SHD: variants seen among roughly 807,000 people sequenced by gnomAD.
SHD encodes the protein Src homology 2 domain containing transforming protein D.
In SHD, 29 loss-of-function variants were observed where a neutral mutation model predicts 31.2. The observed-to-expected ratio is 0.93, with a 90% CI of 0.69 to 1.27. SHD has a LOEUF of 1.27. Among genes scored for constraint, SHD ranks in the 50% most tolerant of loss-of-function variants. The pLI is 0.00. For missense variants in SHD, 520 were observed against 453.8 expected (o/e 1.15, Z -1.33); for synonymous variants, 208 against 187.8 (o/e 1.11, Z -0.88).
chr19:4,280,987 C>A (rs1336202836), intron 1 of SHD, among the ~76,000 whole-genome samples: 1 of 151,826 alleles, frequency 6.6e-6, no homozygotes, highest in Non-Finnish European at 1.5e-5. Context: ...TGGGATCTTC[C>A]TAAAATAGAT....
Position 4,279,938 on chromosome 19 carries a change from T to C in SHD, c.-126T>C. 1 of 1,196,184 alleles carries C rather than the reference T, an allele frequency of 8.4e-7. No homozygotes were observed. The highest frequency in any genetic ancestry group is 1.5e-5 in the African/African-American group (1 of 64,742). 74.1% of individuals were successfully genotyped at this position (1,196,184 alleles called of 1,614,324 possible). A position where few individuals can be genotyped will look rare whatever the true frequency, so the allele number is the denominator to read the frequency against. ...GAGCCCCGCCAAAGGGCGCACCTGATCTTTCTCATCCTTCCCTGCTCTTCC... is the reference window on the plus strand; with the variant it reads ...GAGCCCCGCCAAAGGGCGCACCTGACCTTTCTCATCCTTCCCTGCTCTTCC... On this transcript the variant is annotated 5_prime_UTR_variant, in exon 1 of 6. Transcript: ENST00000543264. This position sits in a 1 kb window ranked among gnomAD's most constrained non-coding sequence, Gnocchi z 7.5.
rs1348925999 is a variant in SHD at position 4,290,546 on chromosome 19, C to T, written c.936C>T (p.Leu312=). ...HSGPFPSVPE[L]VLHYSSRPLP... is the part of the protein sequence containing the mutation. ...GGCCCTTCCCCAGCGTGCCCGAGCT[C>T]GTCCTCCACTACAGTTCACGCCCAC... The change falls in exon 6 of 6, where the codon CTC becomes CTT. Residue 312 remains leucine, a synonymous_variant. Transcript: ENST00000543264. The T allele has an allele frequency of 8.7e-6, 14 of 1,613,690 alleles. No homozygotes were observed. The highest frequency in any genetic ancestry group is 2.2e-5 in the East Asian group (1 of 44,868).
chr19:4,285,271 A>T (rs910786597), intron 4 of SHD, among the ~76,000 whole-genome samples: 29 of 152,314 alleles, frequency 1.9e-4, no homozygotes, highest in African/African-American at 7.0e-4. Flanking sequence ...CTCAGAGCCA[A>T]GAGACAGAAA....
chr19:4,285,299 T>C (rs148940267), intron 4 of SHD, among the ~76,000 whole-genome samples: 34 of 152,320 alleles, frequency 2.2e-4, no homozygotes, highest in African/African-American at 8.2e-4. Flanking sequence ...CAGCCAGTTC[T>C]TGGTTCTTGG....
At position 4,284,915 on chromosome 19, in the gene SHD, A is replaced by G. The variant is rs774818206; in HGVS notation, c.716+11A>G. 1.9e-6 allele frequency: 3 copies of G among 1,582,062 alleles called. No individual in the cohort carries two copies. Among genetic ancestry groups the G allele is most frequent in the Non-Finnish European group, 2.6e-6 (3 of 1,161,572 alleles). ...CCTGGAGAAACAGCCGTGAGTGGGG[A>G]AGCTGAAGGTGGAAGAGCCCCGTTG... On this transcript the variant is annotated intron_variant, in intron 4 of 5. Transcript: ENST00000543264.
Position 4,288,276 on chromosome 19 carries a change from A to G in SHD, c.750A>G (p.Ala250=). 1 of 1,613,924 alleles carries G rather than the reference A, an allele frequency of 6.2e-7. No individual in the cohort carries two copies. Among genetic ancestry groups the G allele is most frequent in the Non-Finnish European group, 8.5e-7 (1 of 1,179,900 alleles). ...ATGGCCCCCTGAACAGGGCGGATGC[A>G]GAGAGCCTCCTGTCCCTCTGCAAGG... ...WFHGPLNRAD[A]ESLLSLCKEG... The change falls in exon 5 of 6, where the codon GCA becomes GCG. Residue 250 remains alanine (A), a synonymous_variant. Transcript: ENST00000543264.
In SHD at chr19:4,283,754, ATT is replaced by A. The variant is rs60710935; in HGVS notation, c.592+516_592+517del. Among the ~76,000 whole-genome samples, 761 of 151,104 alleles carry A rather than the reference ATT, an allele frequency of 5.0e-3. 7 individuals carry two copies. The highest frequency in any genetic ancestry group is 0.017 in the African/African-American group (720 of 41,212). On this transcript the variant is annotated intron_variant, in intron 3 of 5. Transcript: ENST00000543264. ...CCACCACGCCCGGCTAATTTTTTGT[ATT>A]TTTAGTAGAGACGGGGTTTCACCAT...
chr19:4,290,570 A>G lies in SHD; in HGVS notation c.960A>G (p.Pro320=), dbSNP rs534824696. ...PELVLHYSSR[P]LPVQGAEHLA... is the part of the protein sequence containing the mutation. ...TCGTCCTCCACTACAGTTCACGCCC[A>G]CTGCCGGTGCAGGGTGCCGAGCATC... Residue 320 remains proline, a synonymous_variant, in exon 6 of 6, where the codon CCA becomes CCG. Coordinates refer to ENST00000543264, the MANE Select transcript of SHD (RefSeq NM_020209.4). The G allele has an allele frequency of 9.4e-5, 151 of 1,613,540 alleles. 1 individual carries two copies. The South Asian group carries it at 1.6e-3, about 17-fold the overall frequency.
chr19:4,286,260 TC>T (rs1568369412), intron 4 of SHD, among the ~76,000 whole-genome samples: 2 of 103,136 alleles, frequency 1.9e-5, no homozygotes, highest in African/African-American at 3.6e-5. Flanking sequence ...TCTTTCTTTC[TC>T]TCTTTCTTTC....
At chr19:4,286,581 G>A (rs952652402) in intron 4 of SHD, among the ~76,000 whole-genome samples, 1 of 152,062 alleles carries the variant, frequency 6.6e-6, no homozygotes, top group Admixed American at 6.6e-5. Flanking sequence ...GCTTGCTACT[G>A]CAAACCCCTT....
rs1198443793 is a variant in SHD, at chr19:4,286,318, ACCTT to A, written c.716+1431_716+1434del. ...TTCCTTCCTTCCTTCCTTCCTTCCT[ACCTT>A]CCTTCCTTCCTTCCTTTCTTTCTCT... On this transcript the variant is annotated intron_variant, in intron 4 of 5. Transcript: ENST00000543264. Among the ~76,000 whole-genome samples the A allele has an allele frequency of 1.9e-3, 150 of 80,650 alleles. 3 individuals are homozygous for A. The highest frequency in any genetic ancestry group is 0.018 in the Middle Eastern group (2 of 114). 52.9% of individuals were successfully genotyped at this position (80,650 alleles called of 152,430 possible).
chr19:4,286,275 CTTT>C (rs1568369444), intron 4 of SHD, among the ~76,000 whole-genome samples: 2,708 of 120,856 alleles, frequency 0.022, 73 homozygotes, highest in Non-Finnish European at 0.032. Context: ...TTCTTTCTTT[CTTT>C]CTTTTTTTCT....
rs368053435 is a variant in SHD at position 4,290,540 on chromosome 19, C to G, written c.930C>G (p.Pro310=). 1 of 1,613,618 alleles carries G rather than the reference C, an allele frequency of 6.2e-7. No individual in the cohort carries two copies. The highest frequency in any genetic ancestry group is 8.5e-7 in the Non-Finnish European group (1 of 1,180,018). ...GQHSGPFPSV[P]ELVLHYSSRP... ...ACAGCGGGCCCTTCCCCAGCGTGCC[C>G]GAGCTCGTCCTCCACTACAGTTCAC... Residue 310 remains proline, a synonymous_variant, in exon 6 of 6, where the codon CCC becomes CCG. Coordinates refer to ENST00000543264, the MANE Select transcript of SHD (RefSeq NM_020209.4).
rs746362933 is a variant in SHD, at chr19:4,280,128, C to T, written c.65C>T (p.Thr22Ile). Reference sequence around the variant, plus strand: ...CGGAGGCCCCCTCCGCAGCCGCCCACCCCGGACTACACCGAGAGCGACATC... The same window carrying T: ...CGGAGGCCCCCTCCGCAGCCGCCCATCCCGGACTACACCGAGAGCGACATC... ...GGRRPPPQPPTPDYTESDILR... is the reference protein window; with the variant it reads ...GGRRPPPQPPIPDYTESDILR... The change falls in exon 1 of 6, where the codon ACC becomes ATC. Residue 22 changes from threonine (T) to isoleucine (I), a missense_variant. Coordinates refer to ENST00000543264, the MANE Select transcript of SHD (RefSeq NM_020209.4). 34 of 1,613,572 alleles carry T rather than the reference C, an allele frequency of 2.1e-5. No homozygotes were observed. Among genetic ancestry groups the T allele is most frequent in the Non-Finnish European group, 2.6e-5 (31 of 1,179,946 alleles).
At chr19:4,285,002 CT>C in intron 4 of SHD, 98 bp downstream of exon 4, 1 of 1,311,012 alleles carries the variant, frequency 7.6e-7, no homozygotes, top group Non-Finnish European at 9.9e-7. Flanking sequence ...ATTAGAGGAA[CT>C]GGGGGAACTT....
chr19:4,283,284 C>T (rs757920729), intron 3 of SHD, 42 bp downstream of exon 3: 11 of 1,567,080 alleles, frequency 7.0e-6, no homozygotes, highest in African/African-American at 6.8e-5. Flanking sequence ...ATGCCCCATC[C>T]CTGCATTTCC....
rs532916625 is a variant in SHD at position 4,286,331 on chromosome 19, C to T, written c.716+1427C>T. Among the ~76,000 whole-genome samples the T allele has an allele frequency of 8.5e-5, 12 of 141,238 alleles. No individual in the cohort carries two copies. In the East Asian group the frequency reaches 1.2e-3, roughly 14 times the overall value. The allele number at this position is 141,238 out of a possible 152,430, so 92.7% of individuals were successfully genotyped here. A position where few individuals can be genotyped will look rare whatever the true frequency, so the allele number is the denominator to read the frequency against. ...TCCTTCCTTCCTACCTTCCTTCCTTCCTTCCTTTCTTTCTCTCTTTCTTTC... is the reference window on the plus strand; with the variant it reads ...TCCTTCCTTCCTACCTTCCTTCCTTTCTTCCTTTCTTTCTCTCTTTCTTTC... On this transcript the variant is annotated intron_variant, in intron 4 of 5. Coordinates refer to ENST00000543264, the MANE Select transcript of SHD (RefSeq NM_020209.4).
chr19:4,286,395 G>T (rs918516142), intron 4 of SHD, among the ~76,000 whole-genome samples: 2 of 149,328 alleles, frequency 1.3e-5, no homozygotes, highest in Non-Finnish European at 1.5e-5. Flanking sequence ...TGCCCAGGCT[G>T]AAGTGCAGTG....
intron 4 of SHD, among the ~76,000 whole-genome samples, chr19:4,285,346 C>A (rs934708948): frequency 3.9e-5 from 6 of 152,152 alleles, no homozygotes; most frequent in African/African-American, 1.4e-4. Flanking sequence ...GGTGGGCTCA[C>A]AGCTCCGTGC....
Sources: allele counts gnomAD v4.1 joint callset (sites outside exome capture counted in the v4.1 genomes callset), GRCh38; gene constraint gnomAD v4.1.1; non-coding constraint Gnocchi (gnomAD v3.1); transcripts MANE v1.5; gene names NCBI Gene and HGNC (gene_info 2026-07-23, HGNC 2026-07-21).